Variants in WDR4 observed in about 807,000 individuals in gnomAD.
WDR4 encodes WDR4 tRNA N7-guanosine methyltransferase non-catalytic subunit, also known as tRNA (guanine-N(7)-)-methyltransferase non-catalytic subunit WDR4.
A neutral mutation model predicts 48.6 loss-of-function variants in WDR4; 47 were observed. The ratio of observed to expected loss-of-function variants is 0.97; its 90% confidence interval spans 0.77 to 1.23. The LOEUF is 1.23. Ranked by LOEUF, WDR4 falls within the 50% of genes most tolerant of loss-of-function variation. The probability of loss-of-function intolerance (pLI) is 0.00; values close to 1 mark genes in which losing one functional copy is unlikely to be tolerated. For synonymous variants in WDR4, 268 were observed against 230.0 expected (o/e 1.17, Z -1.49); for missense variants, 606 against 551.6 (o/e 1.10, Z -0.99).
At chr21:42,860,812 C>T (rs1344804965) in intron 5 of WDR4, among the ~76,000 whole-genome samples, 3 of 152,242 alleles carry the variant, frequency 2.0e-5, no homozygotes, top group African/African-American at 7.2e-5. Flanking sequence ...CCTACTCATG[C>T]CAGGCACCAC....
At chr21:42,884,444 C>T (rs757867771), upstream of WDR4, among the ~76,000 whole-genome samples, 2 of 151,912 alleles carry the variant, frequency 1.3e-5, no homozygotes, top group African/African-American at 2.4e-5. Context: ...GTCAGGAGTT[C>T]GAAATCAGCC....
At chr21:42,845,160 G>A (rs2057699981), downstream of WDR4, among the ~76,000 whole-genome samples, 1 of 152,208 alleles carries the variant, frequency 6.6e-6, no homozygotes, top group East Asian at 1.9e-4. Context: ...ACAAAACAGG[G>A]CTCAACAAAT....
Position 42,850,124 on chromosome 21 carries a change from C to A in WDR4, c.1164G>T (p.Arg388=). The A allele has an allele frequency of 6.2e-7, 1 of 1,614,112 alleles. No individual in the cohort carries two copies. The highest frequency in any genetic ancestry group is 1.3e-5 in the African/African-American group (1 of 75,066). The change falls in exon 11 of 11, where the codon CGG becomes CGT. Residue 388 remains arginine (R), a synonymous_variant. Coordinates refer to ENST00000398208, the MANE Select transcript of WDR4 (RefSeq NM_018669.6). ...RLQQQLEKKQ[R]RRSPPPGPDG... ...CGGGCCCAGGCGGGGGACTCCGGCG[C>A]CGCTGCTTCTTCTCTAGCTGCTGCT... is the stretch of plus-strand genomic sequence containing the variant.
chr21:42,888,387 T>C, the WDR4 span, among the ~76,000 whole-genome samples: 2 of 152,122 alleles, frequency 1.3e-5, no homozygotes, highest in Non-Finnish European at 1.5e-5. Flanking sequence ...GGTGAAACCC[T>C]GTCTCTACAA....
intron 2 of WDR4, among the ~76,000 whole-genome samples, chr21:42,875,570 T>C (rs1368867588): frequency 6.6e-6 from 1 of 152,006 alleles, no homozygotes; most frequent in African/African-American, 2.4e-5. Flanking sequence ...AAATTAGGTA[T>C]GTTGGCATGT....
At chr21:42,886,479 T>G in the WDR4 span, among the ~76,000 whole-genome samples, 1 of 152,372 alleles carries the variant, frequency 6.6e-6, no homozygotes, top group East Asian at 1.9e-4. Context: ...AATTGACTTT[T>G]GTAAATTGTT....
At chr21:42,876,904 C>T (rs372080691) in intron 1 of WDR4, 137 bp from the exon 2 acceptor site, 31 of 660,926 alleles carry the variant, frequency 4.7e-5, no homozygotes, top group African/African-American at 3.5e-4. Context: ...CCGCAACCTC[C>T]GCCTCCCAGG....
intron 2 of WDR4, among the ~76,000 whole-genome samples, chr21:42,875,988 C>T (rs1018774901): frequency 7.1e-6 from 1 of 140,890 alleles, no homozygotes; most frequent in Non-Finnish European, 1.5e-5. Flanking sequence ...GGCGCAACCT[C>T]GGCCGACTGC....
At chr21:42,855,998 C>T (rs374813779) in intron 6 of WDR4, among the ~76,000 whole-genome samples, 1 of 152,326 alleles carries the variant, frequency 6.6e-6, no homozygotes, top group Non-Finnish European at 1.5e-5. Context: ...CCCTGTTTCT[C>T]GAGTGCCAAT....
downstream of WDR4, among the ~76,000 whole-genome samples, chr21:42,845,811 C>T (rs1178818030): frequency 6.6e-6 from 1 of 152,192 alleles, no homozygotes; most frequent in Non-Finnish European, 1.5e-5. Context: ...AAGTACACAC[C>T]CAACAGAAAT....
intron 5 of WDR4, 54 bp from the exon 6 acceptor site, chr21:42,859,776 CGGGAGGCCTG>C (rs1299420667): frequency 6.5e-7 from 1 of 1,541,454 alleles, no homozygotes; most frequent in Non-Finnish European, 8.8e-7. Context: ...CCGCAGGGAC[CGGGAGGCCTG>C]GGGAGGCCGC....
Position 42,862,479 on chromosome 21 carries a change from T to C in WDR4, c.454-85A>G. 1 of 1,318,684 alleles carries C rather than the reference T, an allele frequency of 7.6e-7. No homozygotes were observed. The highest frequency in any genetic ancestry group is 2.5e-5 in the East Asian group (1 of 39,744). 81.7% of individuals were successfully genotyped at this position (1,318,684 alleles called of 1,614,324 possible). A position where few individuals can be genotyped will look rare whatever the true frequency, so the allele number is the denominator to read the frequency against. On this transcript the variant is annotated intron_variant, in intron 4 of 10. Transcript: ENST00000398208. The surrounding 1 kb of genome is among the most constrained non-coding windows in gnomAD (Gnocchi z 4.3). The stretch of plus-strand genomic sequence containing the variant: ...CCCTCATGGAAGAAGGCAGGGAAGC[T>C]GCAGCCTGGCCGCCAAGAGGATGAG...
the WDR4 span, among the ~76,000 whole-genome samples, chr21:42,884,776 C>A: frequency 6.6e-6 from 1 of 151,978 alleles, no homozygotes; most frequent in South Asian, 2.1e-4. Context: ...GTTATTATGT[C>A]TTTTTTGTTT....
intron 6 of WDR4, among the ~76,000 whole-genome samples, chr21:42,858,843 G>C (rs1423710848): frequency 6.6e-6 from 1 of 152,058 alleles, no homozygotes; most frequent in Non-Finnish European, 1.5e-5. Flanking sequence ...ACATAGAAGC[G>C]GCCAGAAGGT....
chr21:42,870,278 G>T (rs1374778048), intron 3 of WDR4, among the ~76,000 whole-genome samples: 1 of 152,222 alleles, frequency 6.6e-6, no homozygotes, highest in Non-Finnish European at 1.5e-5. Flanking sequence ...TTGAACCCGG[G>T]AGGTGGAGGT....
In WDR4 at chr21:42,849,915, G is replaced by A; in HGVS notation, c.*134C>T. 9.2e-7 allele frequency: 1 copy of A among 1,086,362 alleles called. No homozygotes were observed. The highest frequency in any genetic ancestry group is 1.6e-5 in the African/African-American group (1 of 62,726). The allele number at this position is 1,086,362 out of a possible 1,614,324, so 67.3% of individuals were successfully genotyped here. ...ACAGAATGTTCTTTCTAGAGCCCAG[G>A]GGACAGCCCCATCCTCTGAGCTGGT... On this transcript the variant is annotated 3_prime_UTR_variant, in exon 11 of 11. Transcript: ENST00000398208.
At chr21:42,891,893 C>T in the WDR4 span, among the ~76,000 whole-genome samples, 1 of 150,708 alleles carries the variant, frequency 6.6e-6, no homozygotes, top group Non-Finnish European at 1.5e-5. Flanking sequence ...GGAAGTGGAG[C>T]TTGCAGTGAG....
chr21:42,863,635 G>A, intron 3 of WDR4, 39 bp from the exon 4 acceptor site: 2 of 1,600,956 alleles, frequency 1.2e-6, no homozygotes, highest in Non-Finnish European at 8.5e-7. Flanking sequence ...GCTTCCAGGA[G>A]CAGCGCAGGG....
chr21:42,859,923 C>T (rs1371625020), intron 5 of WDR4, among the ~76,000 whole-genome samples: 5 of 152,110 alleles, frequency 3.3e-5, no homozygotes, highest in Non-Finnish European at 7.4e-5. Context: ...TGGACGCAGT[C>T]GGGGAGGTGA....
Sources: allele counts gnomAD v4.1 joint callset (sites outside exome capture counted in the v4.1 genomes callset), GRCh38; gene constraint gnomAD v4.1.1; non-coding constraint Gnocchi (gnomAD v3.1); transcripts MANE v1.5; gene names NCBI Gene and HGNC (gene_info 2026-07-23, HGNC 2026-07-21).